Variants in PPP5C observed in about 807,000 individuals in gnomAD.
PPP5C encodes the protein protein phosphatase 5 catalytic subunit.
Under a neutral mutation model 66.7 loss-of-function variants are expected in PPP5C, and 21 were observed. The observed-to-expected ratio is 0.31, with a 90% CI of 0.22 to 0.45. PPP5C has a LOEUF of 0.45. Ranked by LOEUF, PPP5C falls within the 20% of genes least tolerant of loss-of-function variation. The probability of loss-of-function intolerance (pLI) is 1.00; values close to 1 mark genes in which losing one functional copy is unlikely to be tolerated. For missense variants in PPP5C, 464 were observed against 675.9 expected, an observed-to-expected ratio of 0.69 and a Z score of 3.48; for synonymous variants, 246 against 257.4, an observed-to-expected ratio of 0.96 and a Z score of 0.43.
intron 2 of PPP5C, among the ~76,000 whole-genome samples, chr19:46,363,960 T>G (rs1032296865): frequency 1.4e-4 from 21 of 152,204 alleles, no homozygotes; most frequent in Admixed American, 2.6e-4. Context: ...TCCATGAGGA[T>G]AAACAGAGGT....
Position 46,390,298 on chromosome 19 carries a change from C to T in PPP5C, c.1452C>T (p.Val484=), listed in dbSNP as rs1460244490. The T allele has an allele frequency of 1.6e-5, 25 of 1,591,510 alleles. No individual in the cohort carries two copies. The highest frequency in any genetic ancestry group is 2.1e-5 in the Non-Finnish European group (25 of 1,168,760). ...TGGTCCCACAGCCTCATCCCAACGT[C>T]AAGCCCATGGCCTATGCCAACACGC... ...HQFTAVPHPN[V]KPMAYANTLL... Residue 484 remains valine (V), a synonymous_variant, in exon 13 of 13, where the codon GTC becomes GTT. Transcript: ENST00000012443.
At chr19:46,371,124 C>T (rs111345280) in intron 2 of PPP5C, among the ~76,000 whole-genome samples, 13 of 152,152 alleles carry the variant, frequency 8.5e-5, no homozygotes, top group African/African-American at 3.1e-4. Flanking sequence ...GGTCCTTTTC[C>T]GGAAGACACC....
At chr19:46,350,993 G>A (rs932347991) in intron 1 of PPP5C, among the ~76,000 whole-genome samples, 4 of 152,120 alleles carry the variant, frequency 2.6e-5, no homozygotes, top group Admixed American at 6.5e-5. Flanking sequence ...GCAGAGCCTC[G>A]TCCCCCGTCT....
intron 2 of PPP5C, among the ~76,000 whole-genome samples, chr19:46,371,651 G>A (rs953463025): frequency 2.0e-5 from 3 of 152,112 alleles, no homozygotes; most frequent in African/African-American, 4.8e-5. Context: ...CACCTTGGTG[G>A]TCTCTCTGAC....
Position 46,387,930 on chromosome 19 carries a change from A to C in PPP5C, c.1135+477A>C, listed in dbSNP as rs763742929. ...CGGGAAGCAGAGGCATCTGCCGTGC[A>C]CAGAGCCTGGCGAGCATATTCCAGG... On this transcript the variant is annotated intron_variant, in intron 9 of 12. Transcript: ENST00000012443. The C allele has an allele frequency of 9.8e-5, 31 of 317,634 alleles. 1 individual carries two copies. The highest frequency in any genetic ancestry group is 1.6e-4 in the Non-Finnish European group (27 of 167,864). 19.7% of individuals were successfully genotyped at this position (317,634 alleles called of 1,614,324 possible).
chr19:46,385,637 G>A (rs73043492), intron 7 of PPP5C, among the ~76,000 whole-genome samples: 18,370 of 152,054 alleles, frequency 0.12, 1,667 homozygotes, highest in East Asian at 0.39. Context: ...AAAATTAGCC[G>A]GGCATGGTGG....
At position 46,383,463 on chromosome 19, in the gene PPP5C, C is replaced by T. The variant is rs190089663; in HGVS notation, c.686C>T (p.Thr229Ile). 6.8e-6 allele frequency: 11 copies of T among 1,608,712 alleles called. No individual in the cohort carries two copies. In the Admixed American group the frequency reaches 1.7e-4, roughly 24 times the overall value. Residue 229 changes from threonine to isoleucine, a missense_variant, in exon 5 of 13, where the codon ACC (threonine) becomes ATC (isoleucine). By Grantham distance (89) the Thr-to-Ile change is moderately conservative. Coordinates refer to ENST00000012443, the MANE Select transcript of PPP5C (RefSeq NM_006247.4). This position sits in a 1 kb window ranked among gnomAD's most constrained non-coding sequence, Gnocchi z 5.0. ...TCCAAGCTGAGCACGCTCGTGGAAA[C>T]CACACTCAAAGAGGTGCGCGTTGTG... ...VLSKLSTLVETTLKETEKITV... is the reference protein window; with the variant it reads ...VLSKLSTLVEITLKETEKITV...
At chr19:46,382,097 C>T (rs969619588) in intron 4 of PPP5C, 8 of 152,248 alleles carry the variant, frequency 5.3e-5, no homozygotes, top group Admixed American at 5.2e-4. Flanking sequence ...CTCTGCACCT[C>T]ACTCCCTCGC....
At position 46,376,515 on chromosome 19, in the gene PPP5C, A is replaced by G; in HGVS notation, c.574A>G (p.Lys192Glu). The G allele has an allele frequency of 6.8e-6, 11 of 1,613,924 alleles. No homozygotes were observed. Among genetic ancestry groups the G allele is most frequent in the Non-Finnish European group, 9.3e-6 (11 of 1,179,920 alleles). Residue 192 changes from lysine (K) to glutamate (E), a missense_variant, in exon 4 of 13, where the codon AAG (lysine) becomes GAG (glutamate). Transcript: ENST00000012443. The surrounding 1 kb of genome is among the most constrained non-coding windows in gnomAD (Gnocchi z 5.1). ...EDGKVTISFM[K>E]ELMQWYKDQK... ...CGGCAAAGTGACAATCAGTTTCATG[A>G]AGGAGCTCATGCAGTGGTACAAGGA...
At chr19:46,364,927 C>CG (rs1025841650) in intron 2 of PPP5C, among the ~76,000 whole-genome samples, 5 of 132,072 alleles carry the variant, frequency 3.8e-5, no homozygotes, top group African/African-American at 8.7e-5. Context: ...GGGGCCGGGG[C>CG]GGGGGGGCTG....
Position 46,349,507 on chromosome 19 carries a change from G to A in PPP5C, c.121+2290G>A, listed in dbSNP as rs546401469. Among the ~76,000 whole-genome samples, 4 of 152,218 alleles carry A rather than the reference G, an allele frequency of 2.6e-5. 1 individual carries two copies. The South Asian group carries it at 8.3e-4, about 32-fold the overall frequency. ...GCAGAAGCAAAGTGTGGAGAAGCTC[G>A]ATCCGGTGGGAGCCGTGAGAGGGAG... On this transcript the variant is annotated intron_variant, in intron 1 of 12. Transcript: ENST00000012443.
chr19:46,370,668 C>T (rs2147382946), intron 2 of PPP5C, among the ~76,000 whole-genome samples: 1 of 152,290 alleles, frequency 6.6e-6, no homozygotes, highest in African/African-American at 2.4e-5. Context: ...GTGTGTTTAT[C>T]TTCTGGGACC....
At chr19:46,362,230 A>G (rs1300537107) in intron 2 of PPP5C, among the ~76,000 whole-genome samples, 1 of 152,230 alleles carries the variant, frequency 6.6e-6, no homozygotes, top group African/African-American at 2.4e-5. Context: ...AGCAATTTTT[A>G]ACTGTTAGTC....
chr19:46,363,307 CAAAAAAAA>C (rs1158423038), intron 2 of PPP5C, among the ~76,000 whole-genome samples: 7 of 27,946 alleles, frequency 2.5e-4, no homozygotes, highest in African/African-American at 1.3e-3. Context: ...GACTCCATCT[CAAAAAAAA>C]AAAAAAAAAA....
At chr19:46,364,928 G>A (rs561208231) in intron 2 of PPP5C, among the ~76,000 whole-genome samples, 6 of 151,866 alleles carry the variant, frequency 4.0e-5, no homozygotes, top group Admixed American at 6.6e-5. Context: ...GGGCCGGGGC[G>A]GGGGGGCTGT....
At chr19:46,379,657 T>G (rs1972756854) in intron 4 of PPP5C, among the ~76,000 whole-genome samples, 1 of 152,234 alleles carries the variant, frequency 6.6e-6, no homozygotes, top group African/African-American at 2.4e-5. Flanking sequence ...CAGGAATCTT[T>G]TAGCATTTCA....
chr19:46,384,848 A>G lies in PPP5C; in HGVS notation c.843A>G (p.Glu281=), dbSNP rs1972855255. The change falls in exon 7 of 13, where the codon GAA becomes GAG. Residue 281 remains glutamate (E), a synonymous_variant. Transcript: ENST00000012443. ...TGGACCGAGGCTCCTTCTCTGTAGA[A>G]GTGATCCTCACCCTTTTCGGCTTCA... ...DFVDRGSFSV[E]VILTLFGFKL... is the part of the protein sequence containing the mutation. The G allele has an allele frequency of 6.2e-7, 1 of 1,614,170 alleles. No homozygotes were observed. The highest frequency in any genetic ancestry group is 8.5e-7 in the Non-Finnish European group (1 of 1,180,010).
chr19:46,351,181 A>T (rs1248614560), intron 1 of PPP5C, among the ~76,000 whole-genome samples: 3 of 152,062 alleles, frequency 2.0e-5, no homozygotes, highest in African/African-American at 7.2e-5. Flanking sequence ...CTGGGTTCAA[A>T]CCCTATGTCT....
intron 2 of PPP5C, among the ~76,000 whole-genome samples, chr19:46,366,838 TTC>T: frequency 6.6e-6 from 1 of 152,236 alleles, no homozygotes; most frequent in East Asian, 1.9e-4. Flanking sequence ...CGATGAGTAC[TTC>T]TCTTAAGTGA....
Sources: allele counts gnomAD v4.1 joint callset (sites outside exome capture counted in the v4.1 genomes callset), GRCh38; gene constraint gnomAD v4.1.1; non-coding constraint Gnocchi (gnomAD v3.1); transcripts MANE v1.5; gene names NCBI Gene and HGNC (gene_info 2026-07-23, HGNC 2026-07-21).